The following DAB1 variants were observed in gnomAD, a reference collection of about 807,000 sequenced individuals.
DAB1 encodes the protein DAB adaptor protein 1.
DAB1 carries 15 observed loss-of-function variants against 64.6 expected under a neutral mutation model. That is an observed-to-expected ratio of 0.23 (90% CI 0.16 to 0.36). DAB1 has a LOEUF of 0.36. DAB1 is among the 10% of genes least tolerant of loss of function. The pLI is 1.00. For missense variants in DAB1, 596 were observed against 706.7 expected (o/e 0.84, Z 1.78); for synonymous variants, 235 against 251.9 (o/e 0.93, Z 0.64).
At chr1:58,120,893 G>C (rs777428534) in intron 5 of DAB1, among the ~76,000 whole-genome samples, 5 of 152,118 alleles carry the variant, frequency 3.3e-5, no homozygotes, top group Non-Finnish European at 7.4e-5. Flanking sequence ...TTTAATGATA[G>C]GATATAATTC....
intron 4 of DAB1, among the ~76,000 whole-genome samples, chr1:57,102,352 T>C (rs959751322): frequency 2.0e-5 from 3 of 152,234 alleles, no homozygotes; most frequent in Admixed American, 1.3e-4. Flanking sequence ...TAAACTCTTC[T>C]GAAGGCTTCC....
intron 5 of DAB1, among the ~76,000 whole-genome samples, chr1:57,936,675 TC>T (rs1471605108): frequency 6.6e-6 from 1 of 152,148 alleles, no homozygotes; most frequent in Non-Finnish European, 1.5e-5. Flanking sequence ...AGTGCTGGCA[TC>T]ATGTTATTTT....
At chr1:57,412,833 T>A (rs996687571) in intron 1 of DAB1, among the ~76,000 whole-genome samples, 4 of 152,232 alleles carry the variant, frequency 2.6e-5, no homozygotes, top group African/African-American at 9.6e-5. Context: ...CAACAAGTTA[T>A]CCTGAAGATC....
intron 1 of DAB1, among the ~76,000 whole-genome samples, chr1:57,310,558 A>G (rs2100730891): frequency 6.6e-6 from 1 of 152,282 alleles, no homozygotes; most frequent in Non-Finnish European, 1.5e-5. Flanking sequence ...TGTGCCCAGA[A>G]GGCTAGGGTT....
chr1:57,964,862 T>A (rs1169224152), intron 5 of DAB1, among the ~76,000 whole-genome samples: 1 of 152,068 alleles, frequency 6.6e-6, no homozygotes, highest in South Asian at 2.1e-4. Context: ...TAGGGGAAGA[T>A]AGGCATGTAA....
intron 5 of DAB1, among the ~76,000 whole-genome samples, chr1:57,893,769 C>G (rs1193843623): frequency 6.6e-6 from 1 of 152,108 alleles, no homozygotes; most frequent in Non-Finnish European, 1.5e-5. Context: ...TGTTAACTGT[C>G]TCTCTGAAAT....
rs138143245 is a variant in DAB1, at chr1:58,400,034, T to C, written n.258-56631A>G. Among the ~76,000 whole-genome samples the C allele has an allele frequency of 8.5e-5, 13 of 152,144 alleles. No individual in the cohort carries two copies. In the East Asian group the frequency reaches 2.3e-3, roughly 27 times the overall value. The stretch of plus-strand genomic sequence containing the variant: ...ATAAATAAATAAATTGAATTTCTCA[T>C]AAGAATACAGTATATTTTGTGAATC... On this transcript the variant is annotated intron_variant and non_coding_transcript_variant, in intron 3 of 20. Coordinates refer to the DAB1 transcript ENST00000485760.
intron 1 of DAB1, among the ~76,000 whole-genome samples, chr1:57,294,972 C>A (rs1673067398): frequency 6.6e-6 from 1 of 152,100 alleles, no homozygotes; most frequent in African/African-American, 2.4e-5. Flanking sequence ...GTAAGTTAGA[C>A]AAAATATGTT....
intron 1 of DAB1, among the ~76,000 whole-genome samples, chr1:57,319,458 A>G (rs1297740644): frequency 6.6e-6 from 1 of 152,142 alleles, no homozygotes; most frequent in African/African-American, 2.4e-5. Flanking sequence ...TGTTTAGGGT[A>G]AGGCATCTTG....
At chr1:57,475,170 A>C (rs1416746333) in intron 7 of DAB1, among the ~76,000 whole-genome samples, 7 of 152,158 alleles carry the variant, frequency 4.6e-5, no homozygotes, top group Admixed American at 3.3e-4. Context: ...CCAGCTACTC[A>C]GGAGGCTGAG....
At chr1:57,231,666 C>G (rs1407817614) in intron 2 of DAB1, among the ~76,000 whole-genome samples, 1 of 152,178 alleles carries the variant, frequency 6.6e-6, no homozygotes, top group Non-Finnish European at 1.5e-5. Flanking sequence ...GAAACTGTTA[C>G]TTAGAGATAA....
intron 5 of DAB1, among the ~76,000 whole-genome samples, chr1:58,026,156 A>G (rs905915527): frequency 3.9e-5 from 6 of 152,218 alleles, no homozygotes; most frequent in Admixed American, 3.9e-4. Context: ...ATCTGACACA[A>G]AGTAAGGTTC....
At chr1:57,128,005 G>T (rs190471253) in intron 4 of DAB1, among the ~76,000 whole-genome samples, 1 of 151,822 alleles carries the variant, frequency 6.6e-6, no homozygotes. Flanking sequence ...AAAATTAGCC[G>T]GCATGGTGGG....
chr1:57,904,851 C>T (rs549689733), intron 5 of DAB1, among the ~76,000 whole-genome samples: 2 of 152,088 alleles, frequency 1.3e-5, no homozygotes, highest in South Asian at 2.1e-4. Context: ...CTTTAGCCAT[C>T]GTAATCTGTT....
chr1:58,138,152 T>C (rs1260682094), intron 5 of DAB1, among the ~76,000 whole-genome samples: 1 of 152,260 alleles, frequency 6.6e-6, no homozygotes. Flanking sequence ...GTTTTTCATT[T>C]AATGCTCACA....
chr1:57,938,165 A>G (rs1645054289), intron 5 of DAB1, among the ~76,000 whole-genome samples: 1 of 152,184 alleles, frequency 6.6e-6, no homozygotes, highest in East Asian at 1.9e-4. Flanking sequence ...CTGGGTGTGT[A>G]ACTCTGGTCA....
intron 5 of DAB1, among the ~76,000 whole-genome samples, chr1:57,938,463 G>A (rs528098816): frequency 2.6e-5 from 4 of 152,072 alleles, no homozygotes; most frequent in South Asian, 2.1e-4. Flanking sequence ...TGCTGTTCTC[G>A]TGATAGTGAG....
intron 4 of DAB1, among the ~76,000 whole-genome samples, chr1:57,105,228 A>C (rs1480127204): frequency 6.6e-6 from 1 of 152,098 alleles, no homozygotes; most frequent in Non-Finnish European, 1.5e-5. Flanking sequence ...TAATTAATGC[A>C]AAATACCTCT....
intron 4 of DAB1, among the ~76,000 whole-genome samples, chr1:57,094,604 G>A (rs1653989480): frequency 6.6e-6 from 1 of 152,142 alleles, no homozygotes; most frequent in African/African-American, 2.4e-5. Flanking sequence ...ACTTCCTTAG[G>A]ATGGGAAGGA....
Sources: allele counts gnomAD v4.1 joint callset (sites outside exome capture counted in the v4.1 genomes callset), GRCh38; gene constraint gnomAD v4.1.1; transcripts MANE v1.5; gene names NCBI Gene and HGNC (gene_info 2026-07-23, HGNC 2026-07-21).